Variants in PLCH1 observed in about 807,000 individuals in gnomAD.
PLCH1 encodes 1-phosphatidylinositol 4,5-bisphosphate phosphodiesterase eta-1.
Under a neutral mutation model 126.7 loss-of-function variants are expected in PLCH1, and 60 were observed. That is an observed-to-expected ratio of 0.47 (90% CI 0.38 to 0.59). PLCH1 has a LOEUF of 0.59. Ranked by LOEUF, PLCH1 falls within the 20% of genes least tolerant of loss-of-function variation. The pLI is 0.00. For synonymous variants in PLCH1, 719 were observed against 734.9 expected (o/e 0.98, Z 0.35); for missense variants, 1,723 against 2,040.0 (o/e 0.84, Z 2.99).
chr3:155,462,407 A>C (rs1011353360), intron 21 of PLCH1, among the ~76,000 whole-genome samples: 45 of 152,216 alleles, frequency 3.0e-4, no homozygotes, highest in African/African-American at 1.1e-3. Context: ...GGTGAGAGAC[A>C]ACAGAGATGG....
At chr3:155,625,852 CA>C (rs1737173214) in intron 2 of PLCH1, among the ~76,000 whole-genome samples, 2 of 152,108 alleles carry the variant, frequency 1.3e-5, no homozygotes, top group Non-Finnish European at 2.9e-5. Context: ...CTAGAAATAC[CA>C]TTTGACCCAG....
chr3:155,690,832 T>C (rs1027550954), intron 2 of PLCH1, among the ~76,000 whole-genome samples: 3 of 152,224 alleles, frequency 2.0e-5, no homozygotes, highest in African/African-American at 7.2e-5. Context: ...ATGCTGCTCA[T>C]ACTTAATCAT....
At chr3:155,475,105 A>G (rs936422528), downstream of PLCH1, among the ~76,000 whole-genome samples, 4 of 151,930 alleles carry the variant, frequency 2.6e-5, no homozygotes, top group Admixed American at 1.3e-4. Flanking sequence ...AAAATGGAAT[A>G]ATATCAAGCA....
intron 2 of PLCH1, among the ~76,000 whole-genome samples, chr3:155,627,848 A>T (rs1420716881): frequency 1.3e-5 from 2 of 150,678 alleles, no homozygotes; most frequent in Admixed American, 1.3e-4. Context: ...GCTCACTGCA[A>T]CCTCCACCTC....
rs1009951557 is a variant in PLCH1, at chr3:155,586,103, C to T, written c.562G>A (p.Val188Ile). The change falls in exon 5 of 23, where the codon GTT becomes ATT. Residue 188 changes from valine to isoleucine, a missense_variant. Transcript: ENST00000460012. ...EIHQLMHKLN[V>I]NLPRRKVRQM... ...CTGACTTTTCTTCGGGGCAGATTAA[C>T]ATTCAGTTTATGCATCAGCTGATGT... 1.2e-6 allele frequency: 2 copies of T among 1,613,992 alleles called. No homozygotes were observed. Among genetic ancestry groups the T allele is most frequent in the Non-Finnish European group, 8.5e-7 (1 of 1,179,900 alleles).
chr3:155,726,056 C>A (rs1419698086), intron 1 of PLCH1, among the ~76,000 whole-genome samples: 1 of 152,162 alleles, frequency 6.6e-6, no homozygotes, highest in Non-Finnish European at 1.5e-5. Context: ...AATCTCTTCC[C>A]AAACTATACA....
At chr3:155,572,391 C>T (rs190021556) in intron 6 of PLCH1, among the ~76,000 whole-genome samples, 2 of 152,280 alleles carry the variant, frequency 1.3e-5, no homozygotes, top group Non-Finnish European at 2.9e-5. Flanking sequence ...CATTCTGATT[C>T]CAGTCCTTTT....
At chr3:155,578,473 T>C (rs1560193836) in intron 6 of PLCH1, among the ~76,000 whole-genome samples, 1 of 152,196 alleles carries the variant, frequency 6.6e-6, no homozygotes, top group Non-Finnish European at 1.5e-5. Flanking sequence ...ATCACATGGT[T>C]GGTTGCTGGC....
In PLCH1 at chr3:155,549,909, T is replaced by C. The variant is rs775298978; in HGVS notation, c.1240A>G (p.Arg414Gly). The part of the protein sequence containing the change: ...IENHCSIQQQ[R>G]KIAQYLKGIF... ...CCTTTCAGGTACTGAGCAATCTTCC[T>C]TTGCTGCTGGATACTGCAGTGATTC... The change falls in exon 10 of 23, where the codon AGG (arginine) becomes GGG (glycine). Residue 414 changes from arginine to glycine, a missense_variant. Around this residue, in one of 2 missense-constraint regions of PLCH1, gnomAD observed 776 missense variants for 1,062.9 expected, o/e 0.73. Transcript: ENST00000460012. 2 of 1,613,484 alleles carry C rather than the reference T, an allele frequency of 1.2e-6. No individual in the cohort carries two copies. The highest frequency in any genetic ancestry group is 2.2e-5 in the South Asian group (2 of 91,070).
chr3:155,706,298 C>A (rs537030941), intron 1 of PLCH1, among the ~76,000 whole-genome samples: 1 of 151,320 alleles, frequency 6.6e-6, no homozygotes, highest in Admixed American at 6.6e-5. Context: ...TCAGCCTGGC[C>A]AATTGGTGAA....
At chr3:155,542,022 AGACAGTGGGCGCAG>A (rs1186754561) in intron 10 of PLCH1, among the ~76,000 whole-genome samples, 2 of 152,208 alleles carry the variant, frequency 1.3e-5, no homozygotes, top group African/African-American at 4.8e-5. Context: ...AGGGAGTGCC[AGACAGTGGGCGCAG>A]GACAGTGGGT....
intron 14 of PLCH1, among the ~76,000 whole-genome samples, chr3:155,498,288 C>T (rs1450878459): frequency 1.3e-5 from 2 of 152,150 alleles, no homozygotes; most frequent in African/African-American, 4.8e-5. Flanking sequence ...AAAGCACTTC[C>T]TTGAAGTGAA....
rs139025270 is a variant in PLCH1 at position 155,707,556 on chromosome 3, G to A, written c.-40-3292C>T. Reference sequence around the variant, plus strand: ...ATAGAAAAATTAGCCAGGCGTGGGGGTGGGCGCCTGTAATCCCAGCTACTC... The same window carrying A: ...ATAGAAAAATTAGCCAGGCGTGGGGATGGGCGCCTGTAATCCCAGCTACTC... On this transcript the variant is annotated intron_variant, in intron 1 of 22. Transcript: ENST00000460012. 3.6e-4 allele frequency among the ~76,000 whole-genome samples: 54 copies of A among 152,092 alleles called. No homozygotes were observed. In the East Asian group the frequency reaches 0.01, roughly 28 times the overall value.
chr3:155,494,034 C>T lies in PLCH1; in HGVS notation c.2182+107G>A, dbSNP rs943401952. The T allele has an allele frequency of 2.1e-5, 17 of 814,116 alleles. No individual in the cohort carries two copies. The East Asian group carries it at 4.0e-4, about 19-fold the overall frequency. 50.4% of individuals were successfully genotyped at this position (814,116 alleles called of 1,614,324 possible). ...TTTTTGAAAAAAAAAAGTTGAAAAACTCTGGGGTATCACACTTTCTAAACA... is the reference window on the plus strand; with the variant it reads ...TTTTTGAAAAAAAAAAGTTGAAAAATTCTGGGGTATCACACTTTCTAAACA... On this transcript the variant is annotated intron_variant, in intron 17 of 22. Coordinates refer to ENST00000460012, the MANE Select transcript of PLCH1 (RefSeq NM_014996.4).
At chr3:155,674,256 T>C (rs1743859733) in intron 2 of PLCH1, among the ~76,000 whole-genome samples, 1 of 152,166 alleles carries the variant, frequency 6.6e-6, no homozygotes, top group Non-Finnish European at 1.5e-5. Context: ...ACAATAACAA[T>C]AATTTCCTAA....
intron 1 of PLCH1, among the ~76,000 whole-genome samples, chr3:155,726,897 T>C (rs1748377506): frequency 6.7e-6 from 1 of 149,564 alleles, no homozygotes; most frequent in South Asian, 2.1e-4. Flanking sequence ...TTTTTTTGTA[T>C]TTTTAGTAGA....
intron 2 of PLCH1, among the ~76,000 whole-genome samples, chr3:155,620,656 A>C (rs1182912612): frequency 6.6e-6 from 1 of 152,174 alleles, no homozygotes; most frequent in Non-Finnish European, 1.5e-5. Context: ...TGTATAAGAA[A>C]GATGATGACC....
intron 2 of PLCH1, among the ~76,000 whole-genome samples, chr3:155,685,726 G>T (rs1425315868): frequency 6.6e-6 from 1 of 152,158 alleles, no homozygotes; most frequent in Non-Finnish European, 1.5e-5. Context: ...CAGCATATAA[G>T]TGCTTTAAGC....
chr3:155,482,860 C>T lies in PLCH1; in HGVS notation c.3166G>A (p.Gly1056Arg). 3 of 1,614,154 alleles carry T rather than the reference C, an allele frequency of 1.9e-6. No homozygotes were observed. The highest frequency in any genetic ancestry group is 1.1e-5 in the South Asian group (1 of 91,080). Residue 1056 changes from glycine (G) to arginine (R), a missense_variant, in exon 23 of 23, where the codon GGG becomes AGG. Transcript: ENST00000460012. Reference sequence around the variant, plus strand: ...CTTGTGGCATTTGATGTGGTTCTCCCACCCCTAGGACTTGACATGCCCAGC... The same window carrying T: ...CTTGTGGCATTTGATGTGGTTCTCCTACCCCTAGGACTTGACATGCCCAGC... ...EQLGMSSPRG[G>R]RTTSNATSNC...
Sources: allele counts gnomAD v4.1 joint callset (sites outside exome capture counted in the v4.1 genomes callset), GRCh38; gene constraint gnomAD v4.1.1; regional missense constraint gnomAD v4.1.1; transcripts MANE v1.5; gene names NCBI Gene and HGNC (gene_info 2026-07-23, HGNC 2026-07-21).